TENM1: variants seen among roughly 807,000 people sequenced by gnomAD.
TENM1 encodes the protein teneurin-1.
In TENM1, 35 loss-of-function variants were observed where a neutral mutation model predicts 174.8. The ratio of observed to expected loss-of-function variants is 0.20; its 90% CI spans 0.15 to 0.27. The LOEUF (loss-of-function observed/expected upper bound fraction) is 0.27. Among genes scored for constraint, TENM1 ranks in the 10% least tolerant of loss-of-function variants. TENM1 has a pLI of 1.00. For synonymous variants in TENM1, 781 were observed against 798.7 expected, an observed-to-expected ratio of 0.98 and a Z score of 0.37; for missense variants, 1,633 against 2,130.1, an observed-to-expected ratio of 0.77 and a Z score of 4.59.
chrX:125,093,425 C>T, the TENM1 span, among the ~76,000 whole-genome samples: 5 of 111,618 alleles, frequency 4.5e-5, no homozygotes, highest in Admixed American at 2.9e-4. Context: ...TATCAGTCAA[C>T]GTGCACCAGA....
intron 15 of TENM1, among the ~76,000 whole-genome samples, chrX:124,540,555 C>G (rs1669651469): frequency 9.0e-6 from 1 of 111,697 alleles, no homozygotes; most frequent in Admixed American, 9.5e-5. Context: ...ATTTGTTTTG[C>G]CATTCACAGA....
chrX:124,836,722 C>T (rs1275359976), intron 3 of TENM1, among the ~76,000 whole-genome samples: 1 of 112,466 alleles, frequency 8.9e-6, no homozygotes, highest in East Asian at 2.8e-4. Flanking sequence ...TTGCAAATAA[C>T]TGAATCTCTA....
intron 3 of TENM1, among the ~76,000 whole-genome samples, chrX:124,776,459 CTGT>C (rs771086767): frequency 8.9e-6 from 1 of 111,919 alleles, no homozygotes; most frequent in East Asian, 2.8e-4. Context: ...TAATTTCCAT[CTGT>C]TGTTTAGGAA....
At chrX:124,435,634 T>A (rs1190305026) in intron 23 of TENM1, among the ~76,000 whole-genome samples, 4 of 111,849 alleles carry the variant, frequency 3.6e-5, no homozygotes, top group African/African-American at 1.3e-4. Context: ...TCATCTTAAC[T>A]CTGTAATGTT....
At chrX:124,809,016 C>T (rs766222060) in intron 3 of TENM1, among the ~76,000 whole-genome samples, 2 of 110,831 alleles carry the variant, frequency 1.8e-5, no homozygotes, top group South Asian at 7.5e-4. Flanking sequence ...ATAAAAACAA[C>T]TGAAAAGATG....
At chrX:125,032,754 T>C in the TENM1 span, among the ~76,000 whole-genome samples, 2 of 111,673 alleles carry the variant, frequency 1.8e-5, no homozygotes, top group African/African-American at 6.5e-5. Context: ...TATTTATCCT[T>C]TAAGCACATC....
chrX:124,457,779 C>G (rs1291880157), intron 22 of TENM1, among the ~76,000 whole-genome samples: 2 of 111,508 alleles, frequency 1.8e-5, no homozygotes, highest in Non-Finnish European at 3.8e-5. Context: ...TGTAGAATGC[C>G]AATTTCAAAT....
chrX:124,555,823 A>G (rs1345204143), intron 14 of TENM1, among the ~76,000 whole-genome samples: 2 of 112,021 alleles, frequency 1.8e-5, no homozygotes, highest in Non-Finnish European at 3.8e-5. Flanking sequence ...GGAAAAATTA[A>G]TCTTGTTTGT....
chrX:124,494,937 A>T (rs1174016440), intron 20 of TENM1, among the ~76,000 whole-genome samples: 105 of 93,582 alleles, frequency 1.1e-3, no homozygotes, highest in Non-Finnish European at 1.8e-3. Context: ...GTTGGTTCCA[A>T]GTCTTTGCTA....
At chrX:125,002,014 A>G in the TENM1 span, among the ~76,000 whole-genome samples, 3 of 109,600 alleles carry the variant, frequency 2.7e-5, no homozygotes, top group Admixed American at 9.8e-5. Context: ...ACCTCCTGTC[A>G]TGAAAGTTTA....
At chrX:124,641,253 T>C (rs991346118) in intron 11 of TENM1, among the ~76,000 whole-genome samples, 1 of 111,928 alleles carries the variant, frequency 8.9e-6, no homozygotes, top group Non-Finnish European at 1.9e-5. Flanking sequence ...CTTTTGATCA[T>C]AGACTAGGAC....
intron 5 of TENM1, among the ~76,000 whole-genome samples, chrX:124,687,396 C>T (rs2052394232): frequency 9.0e-6 from 1 of 111,683 alleles, no homozygotes; most frequent in Admixed American, 9.5e-5. Context: ...AAAACTGAAA[C>T]TGGACCCCTT....
rs781054051 is a variant in TENM1, at chrX:124,753,875, G to T, written c.536-16678C>A. The stretch of plus-strand genomic sequence containing the variant: ...TGGTGGATAAGCTTTTTGATGTGCT[G>T]CTGGATTCAATTTGCCAGTATTTTA... On this transcript the variant is annotated intron_variant, in intron 3 of 31. Transcript: ENST00000422452. Among the ~76,000 whole-genome samples, 350 of 111,568 alleles carry T rather than the reference G, an allele frequency of 3.1e-3. 4 individuals carry two copies. The highest frequency in any genetic ancestry group is 9.5e-3 in the African/African-American group (291 of 30,664).
chrX:124,800,684 G>A (rs2147233759), intron 3 of TENM1, among the ~76,000 whole-genome samples: 1 of 111,380 alleles, frequency 9.0e-6, no homozygotes, highest in East Asian at 2.8e-4. Flanking sequence ...TCTTTTAATT[G>A]TGATGTCAGG....
the TENM1 span, among the ~76,000 whole-genome samples, chrX:125,062,146 T>C: frequency 1.8e-5 from 2 of 111,832 alleles, no homozygotes; most frequent in Admixed American, 9.5e-5. Flanking sequence ...AATGATTGTT[T>C]AAAAATGAAA....
chrX:124,969,907 A>G, the TENM1 span, among the ~76,000 whole-genome samples: 1 of 112,202 alleles, frequency 8.9e-6, no homozygotes. Flanking sequence ...TGTTTATGAA[A>G]TGTGAAGGGA....
chrX:124,681,091 A>G (rs1008542827), intron 5 of TENM1, among the ~76,000 whole-genome samples: 1 of 111,939 alleles, frequency 8.9e-6, no homozygotes, highest in African/African-American at 3.2e-5. Context: ...TTTGAAACTC[A>G]CTTTTCTGAG....
At chrX:124,685,170 C>G (rs1277783377) in intron 5 of TENM1, among the ~76,000 whole-genome samples, 1 of 110,119 alleles carries the variant, frequency 9.1e-6, no homozygotes, top group Non-Finnish European at 1.9e-5. Context: ...ACAACAACAA[C>G]AAAGCACCTG....
intron 13 of TENM1, among the ~76,000 whole-genome samples, chrX:124,563,325 T>C (rs1014581263): frequency 1.4e-4 from 15 of 109,587 alleles, no homozygotes; most frequent in African/African-American, 4.3e-4. Context: ...TGGAGCCATA[T>C]TGTTATGTTA....
Sources: gnomAD v4.1 joint callset for allele counts (sites outside exome capture counted in the v4.1 genomes callset) on GRCh38, gnomAD v4.1.1 for gene constraint, MANE v1.5 for transcripts, NCBI Gene and HGNC (gene_info 2026-07-23, HGNC 2026-07-21) for gene names.